The following CLSTN1 variants were observed in gnomAD, a reference collection of about 807,000 sequenced individuals.
The protein encoded by CLSTN1 is calsyntenin 1.
In CLSTN1, 28 loss-of-function variants were observed where a neutral mutation model predicts 108.3. The ratio of observed to expected loss-of-function variants is 0.26; its 90% CI spans 0.19 to 0.35. The LOEUF (loss-of-function observed/expected upper bound fraction) is 0.35, where lower values mean the gene tolerates loss of function less well. CLSTN1 is among the 10% of genes least tolerant of loss of function. The pLI, the probability that CLSTN1 is intolerant of heterozygous loss-of-function variation, is 1.00. For synonymous variants in CLSTN1, 524 were observed against 534.9 expected (o/e 0.98, Z 0.28); for missense variants, 1,157 against 1,302.6 (o/e 0.89, Z 1.72).
At chr1:9,774,375 G>A (rs1291241235) in intron 1 of CLSTN1, among the ~76,000 whole-genome samples, 1 of 152,004 alleles carries the variant, frequency 6.6e-6, no homozygotes, top group Non-Finnish European at 1.5e-5. Context: ...TGACCAGCCT[G>A]GCCAATATGT....
chr1:9,810,033 T>TGAGAAAGAGAGAGA (rs1239667550), intron 1 of CLSTN1, among the ~76,000 whole-genome samples: 1 of 105,124 alleles, frequency 9.5e-6, no homozygotes, highest in African/African-American at 3.7e-5. Context: ...AGGGAGACTC[T>TGAGAAAGAGAGAGA]GAGAAAGAGA....
At chr1:9,819,544 C>T (rs1655114611) in intron 1 of CLSTN1, among the ~76,000 whole-genome samples, 1 of 152,120 alleles carries the variant, frequency 6.6e-6, no homozygotes, top group African/African-American at 2.4e-5. Flanking sequence ...AATACTGGCA[C>T]AGATAATGTA....
chr1:9,787,481 G>A (rs538391969), intron 1 of CLSTN1, among the ~76,000 whole-genome samples: 8 of 142,770 alleles, frequency 5.6e-5, no homozygotes, highest in African/African-American at 2.1e-4. Flanking sequence ...TCGGCTCACT[G>A]CAAGCTCCGC....
intron 1 of CLSTN1, among the ~76,000 whole-genome samples, chr1:9,786,883 GAGCAGGA>G (rs1442390059): frequency 2.0e-5 from 3 of 151,316 alleles, no homozygotes; most frequent in Admixed American, 1.3e-4. Context: ...ACCAGGGAAT[GAGCAGGA>G]ACAGATGGAG....
chr1:9,755,559 A>G (rs1481901832), intron 3 of CLSTN1, among the ~76,000 whole-genome samples: 1 of 152,210 alleles, frequency 6.6e-6, no homozygotes, highest in Non-Finnish European at 1.5e-5. Context: ...ATGCAGGAAT[A>G]CAAAAGAGAG....
Position 9,731,242 on chromosome 1 carries a change from G to A in CLSTN1, c.2712C>T (p.Asp904=), listed in dbSNP as rs201718536. The A allele has an allele frequency of 1.9e-5, 30 of 1,614,214 alleles. 1 individual carries two copies. The highest frequency in any genetic ancestry group is 1.1e-4 in the African/African-American group (8 of 75,058). The part of the protein sequence containing the change: ...DTGKENEMDW[D]DSALTITVNP... ...TGACGGTGATGGTCAGGGCAGAGTC[G>A]TCCCAGTCCATCTCGTTCTCCTTCC... Residue 904 remains aspartate (D), a synonymous_variant, in exon 18 of 19, where the codon GAC becomes GAT. Coordinates refer to ENST00000377298, the MANE Select transcript of CLSTN1 (RefSeq NM_001009566.3).
intron 1 of CLSTN1, among the ~76,000 whole-genome samples, chr1:9,794,365 G>A (rs924663802): frequency 1.8e-4 from 28 of 151,492 alleles, no homozygotes; most frequent in African/African-American, 6.8e-4. Context: ...CTGGAGTGCA[G>A]TCACGCAATC....
intron 13 of CLSTN1, 89 bp downstream of exon 13, chr1:9,735,378 C>T (rs1446853326): frequency 1.3e-6 from 2 of 1,556,700 alleles, no homozygotes; most frequent in East Asian, 2.2e-5. Context: ...GCTCACCTTT[C>T]CTTACAGAAG....
intron 1 of CLSTN1, among the ~76,000 whole-genome samples, chr1:9,785,904 G>T (rs1334069941): frequency 6.6e-6 from 1 of 151,972 alleles, no homozygotes; most frequent in African/African-American, 2.4e-5. Context: ...GGCCGGGCAC[G>T]GTAGGTCATG....
At chr1:9,783,507 G>A (rs1465813147) in intron 1 of CLSTN1, among the ~76,000 whole-genome samples, 1 of 152,142 alleles carries the variant, frequency 6.6e-6, no homozygotes, top group Admixed American at 6.5e-5. Context: ...ATCACCTGAG[G>A]TCAGGAGTTC....
chr1:9,775,283 GC>G (rs554803238), intron 1 of CLSTN1, among the ~76,000 whole-genome samples: 2 of 150,730 alleles, frequency 1.3e-5, no homozygotes, highest in Non-Finnish European at 2.9e-5. Flanking sequence ...TGGTTCAAAT[GC>G]CTCTGACAAA....
rs544201502 is a variant in CLSTN1, at chr1:9,756,198, T to C, written c.244+283A>G. Among the ~76,000 whole-genome samples the C allele has an allele frequency of 8.5e-5, 13 of 152,324 alleles. No individual in the cohort carries two copies. The East Asian group carries it at 2.5e-3, about 29-fold the overall frequency. ...ACTGCACTCCTTCCACAATTCCAACTAATAGAAAATTGTTATAAAGCAAAT... is the reference window on the plus strand; with the variant it reads ...ACTGCACTCCTTCCACAATTCCAACCAATAGAAAATTGTTATAAAGCAAAT... On this transcript the variant is annotated intron_variant, in intron 3 of 18. Transcript: ENST00000377298.
At chr1:9,819,942 A>G (rs1655130028) in intron 1 of CLSTN1, among the ~76,000 whole-genome samples, 1 of 152,218 alleles carries the variant, frequency 6.6e-6, no homozygotes, top group African/African-American at 2.4e-5. Flanking sequence ...TAACAGGGGT[A>G]GCCACAGAGC....
chr1:9,781,512 C>T (rs544560448), intron 1 of CLSTN1, among the ~76,000 whole-genome samples: 1 of 150,852 alleles, frequency 6.6e-6, no homozygotes, highest in Non-Finnish European at 1.5e-5. Context: ...GGCGTGATCT[C>T]GGCTCACTGC....
rs1650339409 is a variant in CLSTN1 at position 9,730,847 on chromosome 1, CG to C, written c.2749-143del. ...AGCGACAGAGCAGCCAGGACGGCAC[CG>C]GAAGTTATATTAGAAGTGAAGGGAA... On this transcript the variant is annotated intron_variant, in intron 18 of 18. Coordinates refer to ENST00000377298, the MANE Select transcript of CLSTN1 (RefSeq NM_001009566.3). This position sits in a 1 kb window ranked among gnomAD's most constrained non-coding sequence, Gnocchi z 5.6. 8.8e-6 allele frequency: 7 copies of C among 791,774 alleles called. No homozygotes were observed. In the East Asian group the frequency reaches 1.3e-4, roughly 15 times the overall value. The allele number at this position is 791,774 out of a possible 1,614,324, so 49.0% of individuals were successfully genotyped here.
intron 1 of CLSTN1, among the ~76,000 whole-genome samples, chr1:9,777,359 C>T (rs969253135): frequency 3.3e-5 from 5 of 151,348 alleles, no homozygotes; most frequent in African/African-American, 1.2e-4. Flanking sequence ...CCTGTCTTTA[C>T]TATAAATACA....
rs1239855639 is a variant in CLSTN1 at position 9,749,447 on chromosome 1, C to CCTG, written c.985+11_985+13dup. Reference sequence around the variant, plus strand: ...CCAAAGCCAGCCGGATGCAAGAACGCCTGGTCTCCTTACCACAGAGCCGGT... The same window carrying CCTG: ...CCAAAGCCAGCCGGATGCAAGAACGCCTGCTGGTCTCCTTACCACAGAGCCGGT... On this transcript the variant is annotated intron_variant, in intron 7 of 18. Coordinates refer to ENST00000377298, the MANE Select transcript of CLSTN1 (RefSeq NM_001009566.3). The CCTG allele has an allele frequency of 6.3e-7, 1 of 1,594,802 alleles. No homozygotes were observed. Among genetic ancestry groups the CCTG allele is most frequent in the South Asian group, 1.1e-5 (1 of 89,388 alleles).
chr1:9,788,693 C>G (rs1472978916), intron 1 of CLSTN1, among the ~76,000 whole-genome samples: 9 of 150,974 alleles, frequency 6.0e-5, no homozygotes, highest in Non-Finnish European at 1.3e-4. Context: ...CTTTGAAACC[C>G]CATCTCTACT....
At chr1:9,760,364 C>G (rs80228620) in intron 2 of CLSTN1, among the ~76,000 whole-genome samples, 3 of 152,144 alleles carry the variant, frequency 2.0e-5, no homozygotes, top group East Asian at 1.9e-4. Context: ...TCCACACCAG[C>G]CTTGCAACCG....
Sources: gnomAD v4.1 joint callset for allele counts (sites outside exome capture counted in the v4.1 genomes callset) on GRCh38, gnomAD v4.1.1 for gene constraint, Gnocchi (gnomAD v3.1) non-coding constraint, MANE v1.5 for transcripts, NCBI Gene and HGNC (gene_info 2026-07-23, HGNC 2026-07-21) for gene names.